MSANTD2: variants seen among roughly 807,000 people sequenced by gnomAD.
MSANTD2 encodes myb/SANT-like DNA-binding domain-containing protein 2.
In MSANTD2, 19 loss-of-function variants were observed where a neutral mutation model predicts 52.6. The ratio of observed to expected loss-of-function variants is 0.36; its 90% CI spans 0.25 to 0.53. The LOEUF is 0.53. Ranked by LOEUF, MSANTD2 falls within the 20% of genes least tolerant of loss-of-function variation. The pLI is 0.91. For missense variants in MSANTD2, 558 were observed against 716.3 expected (o/e 0.78, Z 2.52); for synonymous variants, 291 against 289.7 (o/e 1.00, Z -0.04).
intron 1 of MSANTD2, among the ~76,000 whole-genome samples, chr11:124,781,764 T>TG (rs956111799): frequency 3.3e-5 from 5 of 151,950 alleles, no homozygotes; most frequent in African/African-American, 1.2e-4. Flanking sequence ...GTGATTCTCT[T>TG]GCCTCAGCCT....
At chr11:124,782,517 C>G (rs1945016536) in intron 1 of MSANTD2, among the ~76,000 whole-genome samples, 1 of 152,124 alleles carries the variant, frequency 6.6e-6, no homozygotes, top group Non-Finnish European at 1.5e-5. Context: ...CAGAGATCAT[C>G]TAGTTCATCT....
intron 1 of MSANTD2, among the ~76,000 whole-genome samples, chr11:124,797,419 T>TC (rs1945528997): frequency 6.6e-6 from 1 of 152,132 alleles, no homozygotes; most frequent in African/African-American, 2.4e-5. Context: ...ATCACTTAGG[T>TC]CCAGGAGTTC....
chr11:124,796,254 C>G (rs1000085280), intron 1 of MSANTD2, among the ~76,000 whole-genome samples: 21 of 152,286 alleles, frequency 1.4e-4, no homozygotes, highest in Non-Finnish European at 5.9e-5. Flanking sequence ...TAAGGTGATT[C>G]AGGAAGGTGG....
At chr11:124,768,569 C>T (rs2135226581) in intron 3 of MSANTD2, among the ~76,000 whole-genome samples, 1 of 152,280 alleles carries the variant, frequency 6.6e-6, no homozygotes, top group Admixed American at 6.5e-5. Context: ...TTTGTGTGTG[C>T]TGTGGGAAAA....
chr11:124,785,596 T>TGG (rs889507539), intron 1 of MSANTD2, among the ~76,000 whole-genome samples: 1 of 151,850 alleles, frequency 6.6e-6, no homozygotes, highest in Non-Finnish European at 1.5e-5. Context: ...CACCAGAGAG[T>TGG]GGGGGGCCCT....
chr11:124,775,146 C>T, intron 1 of MSANTD2, 172 bp from the exon 2 acceptor site: 1 of 590,130 alleles, frequency 1.7e-6, no homozygotes, highest in Non-Finnish European at 2.9e-6. Flanking sequence ...ACTAATTTAG[C>T]ATTTACTCAA....
At chr11:124,792,314 C>T (rs1945359135) in intron 1 of MSANTD2, 1 of 152,226 alleles carries the variant, frequency 6.6e-6, no homozygotes, top group African/African-American at 2.4e-5. Flanking sequence ...TATGACACCA[C>T]TAAGGCATCA....
Position 124,767,050 on chromosome 11 carries a change from G to A in MSANTD2, c.*126C>T. 5.2e-6 allele frequency: 5 copies of A among 956,620 alleles called. No individual in the cohort carries two copies. The South Asian group carries it at 6.7e-5, about 13-fold the overall frequency. 59.3% of individuals were successfully genotyped at this position (956,620 alleles called of 1,614,324 possible). On this transcript the variant is annotated 3_prime_UTR_variant, in exon 4 of 4. Transcript: ENST00000374979. The surrounding 1 kb of genome is among the most constrained non-coding windows in gnomAD (Gnocchi z 6.5). ...CTATGATTCCTTAGAAGTCGTACTG[G>A]CCCAATTGAAGAAAGGGTTTCCATG...
At chr11:124,783,001 C>G (rs1013565829) in intron 1 of MSANTD2, among the ~76,000 whole-genome samples, 5 of 152,160 alleles carry the variant, frequency 3.3e-5, no homozygotes, top group African/African-American at 7.2e-5. Context: ...AAAGGGAGCT[C>G]TGCAGCCCTG....
chr11:124,766,756 T>C lies in MSANTD2; in HGVS notation c.*420A>G, dbSNP rs1480271830. On this transcript the variant is annotated 3_prime_UTR_variant, in exon 4 of 4. Transcript: ENST00000374979. Reference sequence around the variant, plus strand: ...GCTTATTTATTCAGGGTTGTAAATATTACTTATATAGAGACATAGAGATGT... The same window carrying C: ...GCTTATTTATTCAGGGTTGTAAATACTACTTATATAGAGACATAGAGATGT... 1 of 155,092 alleles carries C rather than the reference T, an allele frequency of 6.4e-6. No individual in the cohort carries two copies. Among genetic ancestry groups the C allele is most frequent in the Admixed American group, 6.5e-5 (1 of 15,480 alleles). The allele number at this position is 155,092 out of a possible 1,614,324, so 9.6% of individuals were successfully genotyped here.
At chr11:124,793,454 A>G (rs1331907587) in intron 1 of MSANTD2, among the ~76,000 whole-genome samples, 1 of 152,218 alleles carries the variant, frequency 6.6e-6, no homozygotes, top group Non-Finnish European at 1.5e-5. Flanking sequence ...CATGGGTTTC[A>G]AAGCCTTTTG....
At chr11:124,786,474 C>G (rs1945166168) in intron 1 of MSANTD2, among the ~76,000 whole-genome samples, 1 of 152,142 alleles carries the variant, frequency 6.6e-6, no homozygotes, top group Non-Finnish European at 1.5e-5. Context: ...TTTGATAAGC[C>G]ACATCCTTAC....
chr11:124,794,680 T>C (rs937964317), intron 1 of MSANTD2, among the ~76,000 whole-genome samples: 2 of 152,194 alleles, frequency 1.3e-5, no homozygotes, highest in Non-Finnish European at 2.9e-5. Flanking sequence ...GTTAGTTATC[T>C]TTGCCCTGTT....
chr11:124,785,714 T>A (rs1324735920), intron 1 of MSANTD2, among the ~76,000 whole-genome samples: 1 of 152,108 alleles, frequency 6.6e-6, no homozygotes, highest in Non-Finnish European at 1.5e-5. Flanking sequence ...TAGCGTCTCA[T>A]TCCTGGAAGA....
chr11:124,769,320 ATCCTT>A (rs2135227843), intron 3 of MSANTD2, among the ~76,000 whole-genome samples: 1 of 152,264 alleles, frequency 6.6e-6, no homozygotes, highest in Non-Finnish European at 1.5e-5. Context: ...TTTACCCTCT[ATCCTT>A]TAGTTTGTCT....
rs555926674 is a variant in MSANTD2, at chr11:124,766,811, A to C, written c.*365T>G. The C allele has an allele frequency of 1.2e-5, 2 of 168,896 alleles. No homozygotes were observed. Among genetic ancestry groups the C allele is most frequent in the South Asian group, 3.8e-4 (2 of 5,256 alleles). The allele number at this position is 168,896 out of a possible 1,614,324, so 10.5% of individuals were successfully genotyped here. A position where few individuals can be genotyped will look rare whatever the true frequency, so the allele number is the denominator to read the frequency against. On this transcript the variant is annotated 3_prime_UTR_variant, in exon 4 of 4. Transcript: ENST00000374979. Reference sequence around the variant, plus strand: ...AAATGAAACATTGTGAAAAAAATACAATTTTTCAATTTCATATGAAACTCA... The same window carrying C: ...AAATGAAACATTGTGAAAAAAATACCATTTTTCAATTTCATATGAAACTCA...
At chr11:124,770,346 T>C (rs1313505218) in intron 3 of MSANTD2, among the ~76,000 whole-genome samples, 8 of 151,708 alleles carry the variant, frequency 5.3e-5, no homozygotes, top group African/African-American at 1.5e-4. Flanking sequence ...GATCTTGCTC[T>C]GTCACCCAGG....
intron 1 of MSANTD2, among the ~76,000 whole-genome samples, chr11:124,777,423 A>T (rs1329902243): frequency 6.6e-6 from 1 of 152,236 alleles, no homozygotes; most frequent in Non-Finnish European, 1.5e-5. Flanking sequence ...GAAGTGACAC[A>T]AGCATAAGCA....
intron 2 of MSANTD2, 164 bp from the exon 3 acceptor site, chr11:124,773,218 TATA>T: frequency 1.9e-6 from 1 of 530,900 alleles, no homozygotes; most frequent in Non-Finnish European, 3.3e-6. Context: ...ATAGCTCTTA[TATA>T]ATGAGATGCA....
Sources: gnomAD v4.1 joint callset for allele counts (sites outside exome capture counted in the v4.1 genomes callset) on GRCh38, gnomAD v4.1.1 for gene constraint, Gnocchi (gnomAD v3.1) non-coding constraint, MANE v1.5 for transcripts, NCBI Gene and HGNC (gene_info 2026-07-23, HGNC 2026-07-21) for gene names.